The following COL23A1 variants were observed in gnomAD, a reference collection of about 807,000 sequenced individuals.
The protein encoded by COL23A1 is collagen alpha-1(XXIII) chain.
Under a neutral mutation model 99.3 loss-of-function variants are expected in COL23A1, and 97 were observed. The observed-to-expected ratio is 0.98, with a 90% CI of 0.83 to 1.16. COL23A1 has a LOEUF of 1.16. Ranked by LOEUF, COL23A1 falls within the 50% of genes most tolerant of loss-of-function variation. The probability of loss-of-function intolerance (pLI) is 0.00; values close to 1 mark genes in which losing one functional copy is unlikely to be tolerated. For synonymous variants in COL23A1, 320 were observed against 308.2 expected (o/e 1.04, Z -0.40); for missense variants, 762 against 757.4 (o/e 1.01, Z -0.07).
intron 1 of COL23A1, among the ~76,000 whole-genome samples, chr5:178,570,933 A>G (rs1240776508): frequency 2.0e-5 from 3 of 152,174 alleles, no homozygotes; most frequent in African/African-American, 7.2e-5. Context: ...CCCTGCAGGC[A>G]AGGAAATGAC....
intron 7 of COL23A1, 59 bp downstream of exon 7, chr5:178,268,671 C>G: frequency 6.4e-7 from 1 of 1,566,626 alleles, no homozygotes; most frequent in Middle Eastern, 1.7e-4. Context: ...CGTTCGGAGG[C>G]AGGTTTCTGG....
rs1001172597 is a variant in COL23A1 at position 178,340,261 on chromosome 5, A to T, written c.362-33342T>A. 6.6e-6 allele frequency among the ~76,000 whole-genome samples: 1 copy of T among 152,222 alleles called. No homozygotes were observed. Reference sequence around the variant, plus strand: ...TGAGAACAAGGACACCTTTCTGACCAGCAATAAGCCTCACCAAAAAATGTG... The same window carrying T: ...TGAGAACAAGGACACCTTTCTGACCTGCAATAAGCCTCACCAAAAAATGTG... On this transcript the variant is annotated intron_variant, in intron 2 of 28. Coordinates refer to ENST00000390654, the MANE Select transcript of COL23A1 (RefSeq NM_173465.4). This position sits in a 1 kb window ranked among gnomAD's most constrained non-coding sequence, Gnocchi z 4.7.
At position 178,261,574 on chromosome 5, in the gene COL23A1, A is replaced by C; in HGVS notation, c.702+148T>G. The C allele has an allele frequency of 1.1e-5, 7 of 644,090 alleles. No individual in the cohort carries two copies. In the South Asian group the frequency reaches 1.3e-4, roughly 12 times the overall value. The allele number at this position is 644,090 out of a possible 1,614,324, so 39.9% of individuals were successfully genotyped here. Reference sequence around the variant, plus strand: ...AACTGAGGCCCAGAGAGATGCAGTAACTTGCCCATGGTCCAGGAATTTGAT... The same window carrying C: ...AACTGAGGCCCAGAGAGATGCAGTACCTTGCCCATGGTCCAGGAATTTGAT... On this transcript the variant is annotated intron_variant, in intron 11 of 28. Transcript: ENST00000390654.
At position 178,259,716 on chromosome 5, in the gene COL23A1, C is replaced by A; in HGVS notation, c.729+5G>T. On this transcript the variant is annotated splice_donor_5th_base_variant and intron_variant, in intron 12 of 28. Coordinates refer to ENST00000390654, the MANE Select transcript of COL23A1 (RefSeq NM_173465.4). ...CCCGGAAGCTCCTCCATTGGCCCCT[C>A]TCACCTTCTTTCCAGGTACTCCAGG... The A allele has an allele frequency of 6.2e-7, 1 of 1,602,396 alleles. No individual in the cohort carries two copies. The highest frequency in any genetic ancestry group is 8.5e-7 in the Non-Finnish European group (1 of 1,172,574).
At chr5:178,529,008 G>A (rs950073459) in intron 2 of COL23A1, among the ~76,000 whole-genome samples, 1 of 152,240 alleles carries the variant, frequency 6.6e-6, no homozygotes, top group Admixed American at 6.5e-5. Context: ...TCAATGTATT[G>A]TTTCTCAGGA....
chr5:178,441,630 C>A (rs1383814316), intron 2 of COL23A1, among the ~76,000 whole-genome samples: 1 of 152,088 alleles, frequency 6.6e-6, no homozygotes, highest in Non-Finnish European at 1.5e-5. Context: ...TCCCATTTCA[C>A]CCTGATGTTT....
rs200570190 is a variant in COL23A1, at chr5:178,377,459, TG to T, written c.362-70541del. Among the ~76,000 whole-genome samples the T allele has an allele frequency of 6.9e-3, 1,056 of 152,368 alleles. 13 individuals carry two copies. Among genetic ancestry groups the T allele is most frequent in the African/African-American group, 0.024 (1,008 of 41,596 alleles). On this transcript the variant is annotated intron_variant, in intron 2 of 28. Transcript: ENST00000390654. Reference sequence around the variant, plus strand: ...AGGCATTCGGCAGTCAGTCCCGACATGGGTCTACCCAAACTCACTAGTGAAA... The same window carrying T: ...AGGCATTCGGCAGTCAGTCCCGACATGGTCTACCCAAACTCACTAGTGAAA...
chr5:178,500,445 A>AAG (rs1758463832), intron 2 of COL23A1, among the ~76,000 whole-genome samples: 3 of 150,236 alleles, frequency 2.0e-5, no homozygotes, highest in African/African-American at 7.3e-5. Flanking sequence ...AAAAAAAAAA[A>AAG]ATGGTTTTAA....
chr5:178,334,625 G>A (rs1047237924), intron 2 of COL23A1, among the ~76,000 whole-genome samples: 43 of 152,308 alleles, frequency 2.8e-4, no homozygotes, highest in Admixed American at 2.2e-3. Context: ...TTACACATGG[G>A]AAATCTCAAG....
chr5:178,473,736 TA>T (rs1414807537), intron 2 of COL23A1, among the ~76,000 whole-genome samples: 5 of 152,066 alleles, frequency 3.3e-5, no homozygotes, highest in Admixed American at 2.6e-4. Flanking sequence ...AGCCTTACCC[TA>T]GCGAAACCCC....
rs759068915 is a variant in COL23A1, at chr5:178,357,808, ATGTG to A, written c.362-50893_362-50890del. 1.2e-4 allele frequency among the ~76,000 whole-genome samples: 15 copies of A among 127,944 alleles called. No homozygotes were observed. The South Asian group carries it at 1.5e-3, about 13-fold the overall frequency. The allele number at this position is 127,944 out of a possible 152,430, so 83.9% of individuals were successfully genotyped here. ...TATGTGTGTGTGTATGTGTGTGTGTATGTGTGTATGTGTGTTTATGTGTATGTGT... is the reference window on the plus strand; with the variant it reads ...TATGTGTGTGTGTATGTGTGTGTGTATGTATGTGTGTTTATGTGTATGTGT... On this transcript the variant is annotated intron_variant, in intron 2 of 28. Coordinates refer to ENST00000390654, the MANE Select transcript of COL23A1 (RefSeq NM_173465.4).
At chr5:178,392,039 CAGAA>C (rs537554264) in intron 2 of COL23A1, among the ~76,000 whole-genome samples, 1 of 151,400 alleles carries the variant, frequency 6.6e-6, no homozygotes, top group Non-Finnish European at 1.5e-5. Context: ...TCTGTAGAGA[CAGAA>C]AGTAGATTAG....
intron 2 of COL23A1, among the ~76,000 whole-genome samples, chr5:178,507,147 A>G (rs535383436): frequency 1.3e-5 from 2 of 152,258 alleles, no homozygotes; most frequent in Admixed American, 1.3e-4. Context: ...CCTTTTTCTT[A>G]TATAAAAGGC....
chr5:178,430,729 C>T (rs558599294), intron 2 of COL23A1, among the ~76,000 whole-genome samples: 27 of 152,228 alleles, frequency 1.8e-4, no homozygotes, highest in Admixed American at 8.5e-4. Flanking sequence ...CAAAATAATC[C>T]ATTTGCTTGA....
At chr5:178,239,233 C>T (rs1764264506) in intron 27 of COL23A1, 54 bp from the exon 28 acceptor site, 7 of 1,593,182 alleles carry the variant, frequency 4.4e-6, no homozygotes, top group Admixed American at 3.3e-5. Context: ...AGCTCCTCTA[C>T]ACCCCACATG....
chr5:178,320,051 G>A (rs1759205118), intron 2 of COL23A1, among the ~76,000 whole-genome samples: 1 of 152,206 alleles, frequency 6.6e-6, no homozygotes, highest in Non-Finnish European at 1.5e-5. Flanking sequence ...GCCTCCTCGG[G>A]ATGCCTTCCC....
chr5:178,462,756 T>C (rs1278295602), intron 2 of COL23A1, among the ~76,000 whole-genome samples: 1 of 152,246 alleles, frequency 6.6e-6, no homozygotes, highest in Admixed American at 6.5e-5. Flanking sequence ...AGTCAGATCC[T>C]CTCAACAATT....
chr5:178,349,582 C>G (rs1761197617), intron 2 of COL23A1, among the ~76,000 whole-genome samples: 1 of 145,680 alleles, frequency 6.9e-6, no homozygotes, highest in South Asian at 2.3e-4. Flanking sequence ...CTCCCGCTTC[C>G]TGCCTCACCT....
At chr5:178,550,315 C>G (rs1761932573) in intron 2 of COL23A1, among the ~76,000 whole-genome samples, 1 of 152,220 alleles carries the variant, frequency 6.6e-6, no homozygotes. Flanking sequence ...CTGGGCACTA[C>G]TAACATTTGG....
Sources: gnomAD v4.1 joint callset for allele counts (sites outside exome capture counted in the v4.1 genomes callset) on GRCh38, gnomAD v4.1.1 for gene constraint, Gnocchi (gnomAD v3.1) non-coding constraint, MANE v1.5 for transcripts, NCBI Gene and HGNC (gene_info 2026-07-23, HGNC 2026-07-21) for gene names.